The following USP25 variants were observed in gnomAD, a reference collection of about 807,000 sequenced individuals.
USP25 encodes ubiquitin specific peptidase 25.
In USP25, 85 loss-of-function variants were observed where a neutral mutation model predicts 158.5. The observed-to-expected ratio is 0.54, with a 90% confidence interval of 0.45 to 0.64. USP25 has a LOEUF of 0.64. Ranked by LOEUF, USP25 falls within the 30% of genes least tolerant of loss-of-function variation. USP25 has a pLI of 0.00. For missense variants in USP25, 1,242 were observed against 1,327.3 expected (o/e 0.94, Z 1.00); for synonymous variants, 464 against 460.4 (o/e 1.01, Z -0.10).
At chr21:15,790,860 T>G (rs1360072908) in intron 4 of USP25, among the ~76,000 whole-genome samples, 1 of 152,034 alleles carries the variant, frequency 6.6e-6, no homozygotes, top group East Asian at 1.9e-4. Flanking sequence ...GTGAGTTTAT[T>G]TTGGAAAGGT....
At chr21:15,777,193 A>G (rs1028638631) in intron 3 of USP25, among the ~76,000 whole-genome samples, 6 of 152,222 alleles carry the variant, frequency 3.9e-5, no homozygotes, top group Non-Finnish European at 8.8e-5. Flanking sequence ...TTATTAGAAG[A>G]GGGCTTGTTT....
At chr21:15,841,821 A>T (rs2038347711) in intron 17 of USP25, among the ~76,000 whole-genome samples, 1 of 152,098 alleles carries the variant, frequency 6.6e-6, no homozygotes, top group African/African-American at 2.4e-5. Context: ...CACCCAGTGG[A>T]TGTTCATTGT....
intron 1 of USP25, among the ~76,000 whole-genome samples, chr21:15,747,955 A>AT (rs1239918778): frequency 2.6e-5 from 4 of 152,106 alleles, no homozygotes; most frequent in African/African-American, 9.7e-5. Flanking sequence ...AGACATTTTT[A>AT]TTTTTAATTT....
intron 1 of USP25, among the ~76,000 whole-genome samples, chr21:15,757,971 A>G (rs951554246): frequency 6.6e-5 from 10 of 152,168 alleles, no homozygotes; most frequent in Admixed American, 2.0e-4. Context: ...GCGTAATGTG[A>G]TTTTGTAAGG....
chr21:15,829,563 C>T (rs1409204774), intron 14 of USP25, among the ~76,000 whole-genome samples: 7 of 152,000 alleles, frequency 4.6e-5, no homozygotes, highest in African/African-American at 1.7e-4. Flanking sequence ...CCCTTAGCTT[C>T]GAGTGAAGTT....
chr21:15,866,405 C>T, intron 22 of USP25, 61 bp downstream of exon 22: 5 of 1,303,160 alleles, frequency 3.8e-6, no homozygotes, highest in Non-Finnish European at 5.2e-6. Flanking sequence ...CACTGATATT[C>T]CTTTCGTTTC....
At chr21:15,782,579 T>C (rs2035027695) in intron 4 of USP25, among the ~76,000 whole-genome samples, 1 of 152,108 alleles carries the variant, frequency 6.6e-6, no homozygotes, top group Non-Finnish European at 1.5e-5. Flanking sequence ...AGAAAAACCA[T>C]GCCACCACAG....
At chr21:15,796,564 A>C (rs2035871447) in intron 5 of USP25, among the ~76,000 whole-genome samples, 1 of 151,488 alleles carries the variant, frequency 6.6e-6, no homozygotes, top group African/African-American at 2.4e-5. Flanking sequence ...TTAGACTGTG[A>C]GTTGGAATTC....
chr21:15,804,986 G>T, intron 6 of USP25, 135 bp from the exon 7 acceptor site: 1 of 883,708 alleles, frequency 1.1e-6, no homozygotes, highest in Non-Finnish European at 1.6e-6. Context: ...CTTCAATTAT[G>T]ATAGAGTGCT....
At position 15,811,063 on chromosome 21, in the gene USP25, A is replaced by G. The variant is rs1366262086; in HGVS notation, c.858-74A>G. 3.0e-6 allele frequency: 4 copies of G among 1,316,938 alleles called. No individual in the cohort carries two copies. The East Asian group carries it at 9.4e-5, about 31-fold the overall frequency. The allele number at this position is 1,316,938 out of a possible 1,614,324, so 81.6% of individuals were successfully genotyped here. ...AAGTGTTTTTGTCTTGTCATATGTT[A>G]TAGTTCTTTAATATTTTCTCTATTT... On this transcript the variant is annotated intron_variant, in intron 8 of 25. Coordinates refer to ENST00000400183, the MANE Select transcript of USP25 (RefSeq NM_001283041.3).
intron 8 of USP25, among the ~76,000 whole-genome samples, chr21:15,810,064 T>A (rs912024810): frequency 2.0e-5 from 3 of 152,088 alleles, no homozygotes; most frequent in Admixed American, 1.3e-4. Context: ...AATTCTGACA[T>A]TGGTTGCACA....
chr21:15,861,148 G>T (rs1426204455), intron 20 of USP25, among the ~76,000 whole-genome samples: 1 of 152,074 alleles, frequency 6.6e-6, no homozygotes, highest in African/African-American at 2.4e-5. Flanking sequence ...TAATTTTGCT[G>T]ATGGGTCATC....
chr21:15,753,143 T>C (rs2033143533), intron 1 of USP25, among the ~76,000 whole-genome samples: 1 of 152,218 alleles, frequency 6.6e-6, no homozygotes, highest in African/African-American at 2.4e-5. Context: ...ACATCACATG[T>C]AGAGGAGGGG....
Position 15,843,399 on chromosome 21 carries a change from T to G in USP25, c.2337+859T>G, listed in dbSNP as rs1194213665. On this transcript the variant is annotated intron_variant, in intron 18 of 25. Coordinates refer to ENST00000400183, the MANE Select transcript of USP25 (RefSeq NM_001283041.3). The surrounding 1 kb of genome is among the most constrained non-coding windows in gnomAD (Gnocchi z 4.0). ...TAGTAAGTGAATTCAGTGCCAGCAA[T>G]AACCTGCTAATTGCAATGAGGCCTT... Among the ~76,000 whole-genome samples the G allele has an allele frequency of 6.6e-6, 1 of 152,182 alleles. No homozygotes were observed. The highest frequency in any genetic ancestry group is 2.4e-5 in the African/African-American group (1 of 41,444).
intron 17 of USP25, among the ~76,000 whole-genome samples, chr21:15,841,597 C>G (rs779190823): frequency 6.6e-6 from 1 of 152,086 alleles, no homozygotes; most frequent in Non-Finnish European, 1.5e-5. Context: ...CACTTTAGGT[C>G]ACATCCAAAT....
Position 15,875,694 on chromosome 21 carries a change from A to C in USP25, c.3009+1168A>C, listed in dbSNP as rs930734835. Among the ~76,000 whole-genome samples the C allele has an allele frequency of 6.6e-6, 1 of 152,250 alleles. No individual in the cohort carries two copies. The highest frequency in any genetic ancestry group is 1.5e-5 in the Non-Finnish European group (1 of 68,044). On this transcript the variant is annotated intron_variant, in intron 24 of 25. Coordinates refer to ENST00000400183, the MANE Select transcript of USP25 (RefSeq NM_001283041.3). This position sits in a 1 kb window ranked among gnomAD's most constrained non-coding sequence, Gnocchi z 4.7. ...TAGAGAAGGGAGAATATTCCAGTAC[A>C]CAACAGAAAATCAAGATAAATTCAC...
rs1225759485 is a variant in USP25, at chr21:15,786,349, A to G, written c.393-5153A>G. Among the ~76,000 whole-genome samples, 5 of 152,192 alleles carry G rather than the reference A, an allele frequency of 3.3e-5. No individual in the cohort carries two copies. In the South Asian group the frequency reaches 8.3e-4, roughly 25 times the overall value. The stretch of plus-strand genomic sequence containing the variant: ...GGACACAACAAAAAGAAACAGGCCA[A>G]TATCCCTGATCAACCTAGATGCAGA... On this transcript the variant is annotated intron_variant, in intron 4 of 25. Transcript: ENST00000400183.
intron 1 of USP25, among the ~76,000 whole-genome samples, chr21:15,749,257 A>G (rs1276766260): frequency 6.6e-6 from 1 of 152,236 alleles, no homozygotes; most frequent in Non-Finnish European, 1.5e-5. Flanking sequence ...ATGCAGCGTG[A>G]TAACTGCTTT....
intron 4 of USP25, among the ~76,000 whole-genome samples, 178 bp downstream of exon 4, chr21:15,778,205 T>C (rs1033836772): frequency 3.3e-5 from 5 of 152,174 alleles, no homozygotes; most frequent in Non-Finnish European, 7.4e-5. Flanking sequence ...TTGATTGCAA[T>C]TGGGTTTAGA....
Sources: gnomAD v4.1 joint callset for allele counts (sites outside exome capture counted in the v4.1 genomes callset) on GRCh38, gnomAD v4.1.1 for gene constraint, Gnocchi (gnomAD v3.1) non-coding constraint, MANE v1.5 for transcripts, NCBI Gene and HGNC (gene_info 2026-07-23, HGNC 2026-07-21) for gene names.